Variants in SMAP1 observed in about 807,000 individuals in gnomAD.
SMAP1 encodes stromal membrane-associated protein 1.
In SMAP1, 24 loss-of-function variants were observed where a neutral mutation model predicts 58.5. The observed-to-expected ratio is 0.41, with a 90% CI of 0.30 to 0.58. SMAP1 has a LOEUF of 0.58. Ranked by LOEUF, SMAP1 falls within the 20% of genes least tolerant of loss-of-function variation. The probability of loss-of-function intolerance (pLI) is 0.29; values close to 1 mark genes in which losing one functional copy is unlikely to be tolerated. For synonymous variants in SMAP1, 216 were observed against 196.6 expected (o/e 1.10, Z -0.82); for missense variants, 563 against 566.3 (o/e 0.99, Z 0.06).
At position 70,851,294 on chromosome 6, in the gene SMAP1, T is replaced by G. The variant is rs1771175421; in HGVS notation, c.665-1246T>G. On this transcript the variant is annotated intron_variant, in intron 7 of 10. Transcript: ENST00000370455. ...CAGGGAAATAAAAGATACCAATTTC[T>G]CTAGTTGTACTTGGAAAAAGACAAG... is the stretch of plus-strand genomic sequence containing the variant. 2.6e-5 allele frequency among the ~76,000 whole-genome samples: 4 copies of G among 152,232 alleles called. No individual in the cohort carries two copies. In the South Asian group the frequency reaches 8.3e-4, roughly 32 times the overall value.
chr6:70,770,773 A>G (rs567138727), intron 3 of SMAP1, among the ~76,000 whole-genome samples: 7 of 152,174 alleles, frequency 4.6e-5, no homozygotes, highest in Non-Finnish European at 1.0e-4. Context: ...TCTGTCCACC[A>G]TTGTTCCGTT....
intron 7 of SMAP1, among the ~76,000 whole-genome samples, chr6:70,840,946 C>T (rs926884427): frequency 6.6e-6 from 1 of 152,152 alleles, no homozygotes; most frequent in African/African-American, 2.4e-5. Context: ...GAAGAGTGCT[C>T]TTCGGGTCCC....
At chr6:70,694,006 T>A (rs1767295398) in intron 1 of SMAP1, 1 of 159,930 alleles carries the variant, frequency 6.3e-6, no homozygotes, top group African/African-American at 2.4e-5. Flanking sequence ...TTAGCATTTT[T>A]AACAGATGTG....
chr6:70,752,893 T>C (rs2149886984), intron 2 of SMAP1, among the ~76,000 whole-genome samples: 3 of 152,310 alleles, frequency 2.0e-5, no homozygotes, highest in Admixed American at 2.0e-4. Context: ...CATGCACTTT[T>C]ACGCAGTCAC....
chr6:70,732,508 A>T lies in SMAP1; in HGVS notation c.249A>T (p.Ile83=), dbSNP rs771547864. The change falls in exon 2 of 11, where the codon ATA becomes ATT. Residue 83 remains isoleucine (I), a synonymous_variant. Transcript: ENST00000370455. ...TAGACCAATGGACAGCAGAACAGAT[A>T]CAGGTAAACATGACGTTACCAAGAA... The part of the protein sequence containing the change: ...VNLDQWTAEQ[I]QCMQDMGNTK... The T allele has an allele frequency of 1.3e-6, 2 of 1,548,356 alleles. No homozygotes were observed. The highest frequency in any genetic ancestry group is 4.6e-5 in the East Asian group (2 of 43,410).
At chr6:70,767,363 CT>C (rs2149904444) in intron 3 of SMAP1, among the ~76,000 whole-genome samples, 1 of 152,192 alleles carries the variant, frequency 6.6e-6, no homozygotes, top group South Asian at 2.1e-4. Flanking sequence ...ATGATATTGA[CT>C]CTTCCTACCC....
intron 1 of SMAP1, among the ~76,000 whole-genome samples, chr6:70,695,159 T>A (rs909973443): frequency 2.6e-5 from 4 of 152,226 alleles, no homozygotes; most frequent in Non-Finnish European, 5.9e-5. Flanking sequence ...CTTACTGAAT[T>A]TGTTTATTCT....
intron 1 of SMAP1, among the ~76,000 whole-genome samples, chr6:70,727,949 G>A (rs1355580660): frequency 6.6e-6 from 1 of 152,110 alleles, no homozygotes; most frequent in Non-Finnish European, 1.5e-5. Context: ...TGTAGTTCTA[G>A]CTACTTGTGA....
intron 6 of SMAP1, among the ~76,000 whole-genome samples, chr6:70,830,572 C>A (rs1209434413): frequency 6.6e-6 from 1 of 152,118 alleles, no homozygotes; most frequent in Non-Finnish European, 1.5e-5. Flanking sequence ...TTTATGTATT[C>A]ATGTTTGTTG....
intron 1 of SMAP1, among the ~76,000 whole-genome samples, chr6:70,720,619 C>A (rs1183422653): frequency 6.6e-6 from 1 of 152,236 alleles, no homozygotes; most frequent in African/African-American, 2.4e-5. Context: ...GGCATCCAGG[C>A]GTTTCCATAC....
intron 6 of SMAP1, among the ~76,000 whole-genome samples, chr6:70,835,251 C>CAAAA (rs778677881): frequency 2.6e-4 from 15 of 57,866 alleles, no homozygotes; most frequent in Admixed American, 3.8e-4. Flanking sequence ...GACTCCGTCT[C>CAAAA]AAAAAAAAAA....
At chr6:70,699,313 A>G (rs747531615) in intron 1 of SMAP1, among the ~76,000 whole-genome samples, 91 of 152,290 alleles carry the variant, frequency 6.0e-4, no homozygotes, top group Admixed American at 1.8e-3. Context: ...ACAAGTACCC[A>G]TGTGACCACC....
intron 1 of SMAP1, among the ~76,000 whole-genome samples, chr6:70,669,061 G>A (rs1032549955): frequency 6.6e-6 from 1 of 152,082 alleles, no homozygotes; most frequent in Non-Finnish European, 1.5e-5. Context: ...TTTGTGTTTG[G>A]AGATCTGATT....
rs559411163 is a variant in SMAP1 at position 70,814,177 on chromosome 6, A to G, written c.576+15440A>G. Among the ~76,000 whole-genome samples the G allele has an allele frequency of 2.0e-5, 3 of 152,204 alleles. No individual in the cohort carries two copies. The South Asian group carries it at 6.2e-4, about 32-fold the overall frequency. ...TGTCTTTTACAGTTGCCTCTTTCCT[A>G]GGTTTATGGCCTCCTACTATCAGCC... On this transcript the variant is annotated intron_variant, in intron 6 of 10. Coordinates refer to ENST00000370455, the MANE Select transcript of SMAP1 (RefSeq NM_001044305.3).
chr6:70,715,118 A>C (rs1265718527), intron 1 of SMAP1, among the ~76,000 whole-genome samples: 1 of 81,600 alleles, frequency 1.2e-5, no homozygotes, highest in Non-Finnish European at 2.3e-5. Flanking sequence ...TTTTTTTTGG[A>C]GACATGGTCT....
intron 7 of SMAP1, among the ~76,000 whole-genome samples, chr6:70,841,051 C>T (rs187695735): frequency 2.6e-5 from 4 of 152,294 alleles, no homozygotes; most frequent in Admixed American, 2.6e-4. Context: ...TAAAAATTGA[C>T]AGACTGCTTA....
chr6:70,751,522 T>G (rs1010804328), intron 2 of SMAP1, among the ~76,000 whole-genome samples: 4 of 152,098 alleles, frequency 2.6e-5, no homozygotes, highest in African/African-American at 9.7e-5. Context: ...AATAGAAACT[T>G]TAACTTAAGT....
At chr6:70,723,576 C>T (rs939970427) in intron 1 of SMAP1, among the ~76,000 whole-genome samples, 2 of 152,156 alleles carry the variant, frequency 1.3e-5, no homozygotes, top group East Asian at 3.9e-4. Context: ...TCCATTTTCT[C>T]CATAAAATTC....
intron 7 of SMAP1, among the ~76,000 whole-genome samples, chr6:70,846,053 A>T (rs1770976507): frequency 1.3e-5 from 2 of 152,170 alleles, no homozygotes. Flanking sequence ...TTCAAGGAGA[A>T]TGTGGCTGTA....
Sources: gnomAD v4.1 joint callset for allele counts (sites outside exome capture counted in the v4.1 genomes callset) on GRCh38, gnomAD v4.1.1 for gene constraint, MANE v1.5 for transcripts, NCBI Gene and HGNC (gene_info 2026-07-23, HGNC 2026-07-21) for gene names.